The following MAML2 variants were observed in gnomAD, a reference collection of about 807,000 sequenced individuals.
The protein encoded by MAML2 is mastermind-like protein 2.
A neutral mutation model predicts 96.1 loss-of-function variants in MAML2; 22 were observed. The ratio of observed to expected loss-of-function variants is 0.23; its 90% CI spans 0.16 to 0.33. The LOEUF is 0.33. Ranked by LOEUF, MAML2 falls within the 10% of genes least tolerant of loss-of-function variation. The pLI, the probability that MAML2 is intolerant of heterozygous loss-of-function variation, is 1.00. For missense variants in MAML2, 1,367 were observed against 1,392.4 expected (o/e 0.98, Z 0.29); for synonymous variants, 561 against 521.3 (o/e 1.08, Z -1.04).
rs5793773 is a variant in MAML2 at position 96,034,408 on chromosome 11, A to AGTGTGTGTGT, written c.2140-42695_2140-42686dup. 3.4e-3 allele frequency among the ~76,000 whole-genome samples: 430 copies of AGTGTGTGTGT among 126,692 alleles called. 5 individuals are homozygous for AGTGTGTGTGT. Among genetic ancestry groups the AGTGTGTGTGT allele is most frequent in the African/African-American group, 0.014 (410 of 29,872 alleles). 83.1% of individuals were successfully genotyped at this position (126,692 alleles called of 152,430 possible). A position where few individuals can be genotyped will look rare whatever the true frequency, so the allele number is the denominator to read the frequency against. On this transcript the variant is annotated intron_variant, in intron 2 of 4. Transcript: ENST00000524717. ...TAGGGCAGTTGGTCAAATACTTTGA[A>AGTGTGTGTGT]GTGTGTGTGTGTGTGTGTGTGTGTG... is the stretch of plus-strand genomic sequence containing the variant.
intron 1 of MAML2, among the ~76,000 whole-genome samples, chr11:96,151,440 C>A (rs1342746407): frequency 6.6e-6 from 1 of 152,232 alleles, no homozygotes; most frequent in East Asian, 1.9e-4. Context: ...GAAACTATAT[C>A]TAACTCATAT....
At chr11:96,264,572 G>A (rs1432545408) in intron 1 of MAML2, among the ~76,000 whole-genome samples, 1 of 152,142 alleles carries the variant, frequency 6.6e-6, no homozygotes, top group African/African-American at 2.4e-5. Context: ...TAGTCACGCT[G>A]GGCAAGGCAT....
chr11:96,046,448 G>A lies in MAML2; in HGVS notation c.2139+45444C>T, dbSNP rs374126703. Among the ~76,000 whole-genome samples, 26 of 152,170 alleles carry A rather than the reference G, an allele frequency of 1.7e-4. No homozygotes were observed. In the East Asian group the frequency reaches 4.6e-3, roughly 27 times the overall value. On this transcript the variant is annotated intron_variant, in intron 2 of 4. Transcript: ENST00000524717. ...AAACTATGAATGGTAGACTACCTCT[G>A]TCAGACTAATGCTTTTCTTTTTACC...
At chr11:96,071,320 C>T (rs1333650509) in intron 2 of MAML2, among the ~76,000 whole-genome samples, 3 of 152,254 alleles carry the variant, frequency 2.0e-5, no homozygotes, top group African/African-American at 7.2e-5. Flanking sequence ...CCGTCCTGAA[C>T]CAGCCATCCT....
chr11:96,120,500 G>A (rs77967591), intron 1 of MAML2, among the ~76,000 whole-genome samples: 161 of 152,238 alleles, frequency 1.1e-3, no homozygotes, highest in African/African-American at 3.6e-3. Context: ...ATCGCACCAC[G>A]GTGACACTTT....
Position 96,319,376 on chromosome 11 carries a change from A to G in MAML2, c.513+22007T>C, listed in dbSNP as rs1035411585. 2.0e-5 allele frequency among the ~76,000 whole-genome samples: 3 copies of G among 152,240 alleles called. No homozygotes were observed. The East Asian group carries it at 5.8e-4, about 29-fold the overall frequency. Reference sequence around the variant, plus strand: ...CTGACCCTTAGAAAATGTGTGAAATAATAAATGTTTGCTGCTTTCAACTGC... The same window carrying G: ...CTGACCCTTAGAAAATGTGTGAAATGATAAATGTTTGCTGCTTTCAACTGC... On this transcript the variant is annotated intron_variant, in intron 1 of 4. Transcript: ENST00000524717.
At chr11:96,111,020 T>C (rs1411952041) in intron 1 of MAML2, among the ~76,000 whole-genome samples, 1 of 152,196 alleles carries the variant, frequency 6.6e-6, no homozygotes, top group Non-Finnish European at 1.5e-5. Flanking sequence ...GCCTATCATT[T>C]TCTCCATCAA....
rs375488339 is a variant in MAML2, at chr11:96,189,321, T to C, written c.514-95804A>G. Among the ~76,000 whole-genome samples the C allele has an allele frequency of 5.9e-5, 9 of 152,364 alleles. No individual in the cohort carries two copies. In the East Asian group the frequency reaches 1.3e-3, roughly 23 times the overall value. On this transcript the variant is annotated intron_variant, in intron 1 of 4. Transcript: ENST00000524717. Reference sequence around the variant, plus strand: ...TTGTATGGCACAAGTTTCGTGCTTATAATTTACTTCCTAGGAAATCTTTAT... The same window carrying C: ...TTGTATGGCACAAGTTTCGTGCTTACAATTTACTTCCTAGGAAATCTTTAT...
In MAML2 at chr11:96,006,870, TATACACACACACACACACAC is replaced by T. The variant is rs1388820387; in HGVS notation, c.2140-15167_2140-15148del. ...CCACCACGCCTGGCCAGGAATATCT[TATACACACACACACACACAC>T]ACACACACACACACACACACACACA... On this transcript the variant is annotated intron_variant, in intron 2 of 4. Coordinates refer to ENST00000524717, the MANE Select transcript of MAML2 (RefSeq NM_032427.4). Among the ~76,000 whole-genome samples the T allele has an allele frequency of 1.0e-4, 11 of 109,902 alleles. No individual in the cohort carries two copies. The South Asian group carries it at 3.3e-3, about 33-fold the overall frequency. 72.1% of individuals were successfully genotyped at this position (109,902 alleles called of 152,430 possible). A position where few individuals can be genotyped will look rare whatever the true frequency, so the allele number is the denominator to read the frequency against.
intron 1 of MAML2, among the ~76,000 whole-genome samples, chr11:96,289,432 A>T (rs927786634): frequency 3.9e-5 from 6 of 152,202 alleles, no homozygotes; most frequent in Non-Finnish European, 1.5e-5. Flanking sequence ...ATGTTTGCAG[A>T]ATCCCATATA....
At chr11:96,170,174 A>G (rs929021892) in intron 1 of MAML2, among the ~76,000 whole-genome samples, 3 of 152,224 alleles carry the variant, frequency 2.0e-5, no homozygotes, top group African/African-American at 7.2e-5. Flanking sequence ...TCGTGCTCAC[A>G]TTCTACATTC....
At chr11:96,214,638 G>A (rs1862021215) in intron 1 of MAML2, among the ~76,000 whole-genome samples, 1 of 152,138 alleles carries the variant, frequency 6.6e-6, no homozygotes, top group African/African-American at 2.4e-5. Context: ...TTCCTAATGA[G>A]AAGCACTTAT....
chr11:96,133,465 C>T (rs1860577592), intron 1 of MAML2, among the ~76,000 whole-genome samples: 1 of 151,998 alleles, frequency 6.6e-6, no homozygotes, highest in African/African-American at 2.4e-5. Context: ...GAGTGGTAGC[C>T]CGTATACAGT....
chr11:96,332,937 T>C (rs966200572), intron 1 of MAML2, among the ~76,000 whole-genome samples: 1 of 152,206 alleles, frequency 6.6e-6, no homozygotes, highest in East Asian at 1.9e-4. Flanking sequence ...TAAGAGATAC[T>C]GTGTATCCAA....
intron 2 of MAML2, among the ~76,000 whole-genome samples, chr11:96,034,428 T>TGTGTGTGC (rs1486591477): frequency 2.0e-5 from 2 of 100,762 alleles, no homozygotes; most frequent in African/African-American, 8.4e-5. Flanking sequence ...TGTGTGTGTG[T>TGTGTGTGC]GTGTGAGAGA....
At chr11:96,151,930 T>C (rs1860930967) in intron 1 of MAML2, among the ~76,000 whole-genome samples, 1 of 152,172 alleles carries the variant, frequency 6.6e-6, no homozygotes, top group African/African-American at 2.4e-5. Flanking sequence ...TGAAAAAATG[T>C]TTATAGCTAG....
At chr11:96,079,395 G>A (rs945494027) in intron 2 of MAML2, among the ~76,000 whole-genome samples, 5 of 152,132 alleles carry the variant, frequency 3.3e-5, no homozygotes, top group African/African-American at 1.2e-4. Context: ...ATTCCTTGAG[G>A]GCAAGGATTG....
chr11:95,992,762 G>T (rs1323586692), intron 2 of MAML2, among the ~76,000 whole-genome samples: 1 of 152,188 alleles, frequency 6.6e-6, no homozygotes, highest in African/African-American at 2.4e-5. Context: ...CCCTGGCCTT[G>T]TCCCAGGGAT....
intron 2 of MAML2, among the ~76,000 whole-genome samples, chr11:96,028,453 C>T (rs1207312873): frequency 6.6e-6 from 1 of 152,154 alleles, no homozygotes; most frequent in Non-Finnish European, 1.5e-5. Context: ...CCTCTAAATC[C>T]CTCTGTCATG....
Sources: allele counts gnomAD v4.1 joint callset (sites outside exome capture counted in the v4.1 genomes callset), GRCh38; gene constraint gnomAD v4.1.1; transcripts MANE v1.5; gene names NCBI Gene and HGNC (gene_info 2026-07-23, HGNC 2026-07-21).